ZNF385D: variants seen among roughly 807,000 people sequenced by gnomAD.
ZNF385D encodes zinc finger protein 385D.
In ZNF385D, 15 loss-of-function variants were observed where a neutral mutation model predicts 35.8. The observed-to-expected ratio is 0.42, with a 90% CI of 0.28 to 0.64. The LOEUF (loss-of-function observed/expected upper bound fraction) is 0.64. ZNF385D is among the 30% of genes least tolerant of loss of function. The pLI is 0.23. For synonymous variants in ZNF385D, 212 were observed against 186.8 expected (o/e 1.13, Z -1.10); for missense variants, 474 against 494.6 (o/e 0.96, Z 0.39).
chr3:21,589,316 T>TA (rs1413620802), intron 2 of ZNF385D, among the ~76,000 whole-genome samples: 4 of 152,194 alleles, frequency 2.6e-5, no homozygotes, highest in Non-Finnish European at 1.5e-5. Flanking sequence ...CTGAGGAAGA[T>TA]ATGTCATTGT....
chr3:22,161,802 T>C (rs12637217), intron 3 of ZNF385D, among the ~76,000 whole-genome samples: 35,144 of 152,090 alleles, frequency 0.23, 4,569 homozygotes, highest in East Asian at 0.42. Context: ...TATAAGTGAT[T>C]TAAGAATGAC....
intron 2 of ZNF385D, among the ~76,000 whole-genome samples, chr3:22,283,743 TTC>T (rs1466645217): frequency 6.6e-6 from 1 of 152,154 alleles, no homozygotes; most frequent in Non-Finnish European, 1.5e-5. Flanking sequence ...GCTCAGTCTG[TTC>T]CCTAGCACAG....
chr3:22,038,879 T>C (rs1392008995), intron 3 of ZNF385D, among the ~76,000 whole-genome samples: 3 of 150,246 alleles, frequency 2.0e-5, no homozygotes, highest in South Asian at 4.2e-4. Flanking sequence ...AATAAGGTTA[T>C]ATTTTATTTT....
chr3:21,549,888 A>G (rs1575155087), intron 3 of ZNF385D, among the ~76,000 whole-genome samples: 1 of 152,196 alleles, frequency 6.6e-6, no homozygotes, highest in Non-Finnish European at 1.5e-5. Flanking sequence ...CGGCAACAAC[A>G]TACTTAAAGA....
intron 3 of ZNF385D, among the ~76,000 whole-genome samples, chr3:21,860,524 G>T (rs1696990419): frequency 6.6e-6 from 1 of 152,032 alleles, no homozygotes; most frequent in African/African-American, 2.4e-5. Context: ...GATAAGTACA[G>T]ATATCCCCAC....
chr3:21,525,013 T>C (rs1334242454), intron 3 of ZNF385D, among the ~76,000 whole-genome samples: 1 of 152,202 alleles, frequency 6.6e-6, no homozygotes, highest in Non-Finnish European at 1.5e-5. Flanking sequence ...TACATGATCT[T>C]ACTTTTGAAT....
Position 21,949,680 on chromosome 3 carries a change from A to T in ZNF385D, c.325+219137T>A, listed in dbSNP as rs181564246. Among the ~76,000 whole-genome samples the T allele has an allele frequency of 2.2e-3, 325 of 150,438 alleles. 1 individual carries two copies. Among genetic ancestry groups the T allele is most frequent in the African/African-American group, 7.5e-3 (306 of 40,900 alleles). ...CATCAACCCATCATCTACATTAGGT[A>T]TTTCTCCTAATGCTATCCCTCCCCT... is the stretch of plus-strand genomic sequence containing the variant. On this transcript the variant is annotated intron_variant, in intron 3 of 5. Transcript: ENST00000494108.
At chr3:21,590,162 C>A (rs1233919314) in intron 2 of ZNF385D, among the ~76,000 whole-genome samples, 3 of 152,174 alleles carry the variant, frequency 2.0e-5, no homozygotes, top group African/African-American at 7.2e-5. Flanking sequence ...AGCTACACAG[C>A]ACAATAAGAA....
intron 3 of ZNF385D, among the ~76,000 whole-genome samples, chr3:21,874,518 T>C (rs1201546076): frequency 1.3e-5 from 2 of 152,102 alleles, no homozygotes; most frequent in African/African-American, 4.8e-5. Flanking sequence ...GTATTCCCAC[T>C]TGATCATATG....
intron 2 of ZNF385D, among the ~76,000 whole-genome samples, chr3:21,565,869 A>C (rs1406486328): frequency 1.3e-5 from 2 of 152,160 alleles, no homozygotes; most frequent in African/African-American, 2.4e-5. Flanking sequence ...AGAATGTGTC[A>C]GAAATGACTC....
rs530483981 is a variant in ZNF385D, at chr3:22,081,793, A to G, written c.325+87024T>C. ...ATATTGATTCTCTGGTCATTTTTTT[A>G]AAAAAGGTTGCTTACCTCTACTTCA... On this transcript the variant is annotated intron_variant, in intron 3 of 5. Coordinates refer to the ZNF385D transcript ENST00000494108. Among the ~76,000 whole-genome samples, 28 of 152,248 alleles carry G rather than the reference A, an allele frequency of 1.8e-4. No homozygotes were observed. The South Asian group carries it at 5.6e-3, about 30-fold the overall frequency.
In ZNF385D at chr3:22,119,995, CTTTT is replaced by C. The variant is rs11345782; in HGVS notation, c.325+48818_325+48821del. On this transcript the variant is annotated intron_variant, in intron 3 of 5. Coordinates refer to the ZNF385D transcript ENST00000494108. ...ACATACTCAATTTTTTTTCTTTTTT[CTTTT>C]TTTTTTTTTTGGTAGAAACAGGATC... is the stretch of plus-strand genomic sequence containing the variant. Among the ~76,000 whole-genome samples, 5 of 136,296 alleles carry C rather than the reference CTTTT, an allele frequency of 3.7e-5. No homozygotes were observed. In the South Asian group the frequency reaches 9.6e-4, roughly 26 times the overall value. 89.4% of individuals were successfully genotyped at this position (136,296 alleles called of 152,430 possible). A position where few individuals can be genotyped will look rare whatever the true frequency, so the allele number is the denominator to read the frequency against.
chr3:21,753,977 A>G (rs151106583), upstream of ZNF385D, among the ~76,000 whole-genome samples: 6 of 152,296 alleles, frequency 3.9e-5, no homozygotes, highest in East Asian at 1.2e-3. Flanking sequence ...TAAGACAACA[A>G]TGTCCTCCAG....
chr3:22,294,669 G>C (rs530112513), intron 2 of ZNF385D, among the ~76,000 whole-genome samples: 127 of 152,158 alleles, frequency 8.3e-4, no homozygotes, highest in South Asian at 7.5e-3. Context: ...ACTGAGTGTT[G>C]ATGAGTGTGC....
intron 3 of ZNF385D, among the ~76,000 whole-genome samples, chr3:22,167,602 A>C (rs536417221): frequency 5.3e-4 from 81 of 152,326 alleles, no homozygotes; most frequent in African/African-American, 1.9e-3. Context: ...AGCAGAGGGC[A>C]GCCAGCCCAC....
chr3:22,354,950 G>A (rs1696081294), intron 2 of ZNF385D, among the ~76,000 whole-genome samples: 1 of 152,112 alleles, frequency 6.6e-6, no homozygotes, highest in Admixed American at 6.6e-5. Flanking sequence ...GATATAGGAA[G>A]AACATCACCC....
chr3:21,844,527 C>T (rs1695879493), intron 3 of ZNF385D, among the ~76,000 whole-genome samples: 1 of 151,944 alleles, frequency 6.6e-6, no homozygotes, highest in Non-Finnish European at 1.5e-5. Flanking sequence ...GATTAGAAAA[C>T]ATTCTCTGAT....
At chr3:22,368,882 G>A (rs1237864833) in intron 2 of ZNF385D, among the ~76,000 whole-genome samples, 2 of 152,100 alleles carry the variant, frequency 1.3e-5, no homozygotes, top group African/African-American at 4.8e-5. Flanking sequence ...AAAAGTAGAA[G>A]TAAATACATT....
At chr3:21,908,329 T>G (rs748920638) in intron 3 of ZNF385D, among the ~76,000 whole-genome samples, 17 of 152,088 alleles carry the variant, frequency 1.1e-4, no homozygotes, top group Non-Finnish European at 1.9e-4. Context: ...GAAAAGGGCC[T>G]GAATGATATT....
Sources: allele counts gnomAD v4.1 joint callset (sites outside exome capture counted in the v4.1 genomes callset), GRCh38; gene constraint gnomAD v4.1.1; transcripts MANE v1.5; gene names NCBI Gene and HGNC (gene_info 2026-07-23, HGNC 2026-07-21).